Variants in ROR1 observed in about 807,000 individuals in gnomAD.
ROR1 encodes the protein ROR family WNT receptor 1.
A neutral mutation model predicts 78.8 loss-of-function variants in ROR1; 19 were observed. The ratio of observed to expected loss-of-function variants is 0.24; its 90% CI spans 0.17 to 0.35. ROR1 has a LOEUF of 0.35. Among genes scored for constraint, ROR1 ranks in the 10% least tolerant of loss-of-function variants. The pLI, the probability that ROR1 is intolerant of heterozygous loss-of-function variation, is 1.00. For synonymous variants in ROR1, 386 were observed against 433.6 expected (o/e 0.89, Z 1.36); for missense variants, 917 against 1,177.8 (o/e 0.78, Z 3.24).
chr1:64,123,576 A>G (rs1023684589), intron 4 of ROR1, among the ~76,000 whole-genome samples: 2 of 152,200 alleles, frequency 1.3e-5, no homozygotes, highest in African/African-American at 2.4e-5. Context: ...ATGGACAGAA[A>G]AAGTGCTAAA....
intron 1 of ROR1, among the ~76,000 whole-genome samples, chr1:63,814,213 C>T (rs1644876477): frequency 6.6e-6 from 1 of 152,212 alleles, no homozygotes; most frequent in Admixed American, 6.5e-5. Context: ...TCTGCGCCCT[C>T]TGGCAACCAG....
chr1:63,919,583 G>T (rs553620123), intron 1 of ROR1, among the ~76,000 whole-genome samples: 18 of 150,912 alleles, frequency 1.2e-4, no homozygotes, highest in African/African-American at 4.1e-4. Flanking sequence ...CACAGAGACA[G>T]CAGAGCATAA....
chr1:64,176,732 C>A (rs1017892831), intron 8 of ROR1, among the ~76,000 whole-genome samples: 2 of 152,198 alleles, frequency 1.3e-5, no homozygotes, highest in African/African-American at 4.8e-5. Flanking sequence ...AGGATTTAAT[C>A]AATGGAGAAG....
At chr1:64,094,464 G>A (rs1647244183) in intron 4 of ROR1, 1 of 152,126 alleles carries the variant, frequency 6.6e-6, no homozygotes, top group Non-Finnish European at 1.5e-5. Flanking sequence ...TTACATCTCC[G>A]GTTTACTTTT....
intron 4 of ROR1, among the ~76,000 whole-genome samples, chr1:64,116,357 CAT>C (rs1217105705): frequency 2.6e-5 from 4 of 152,276 alleles, no homozygotes; most frequent in East Asian, 1.9e-4. Flanking sequence ...CGAATGTGCA[CAT>C]GTTAGATATA....
intron 4 of ROR1, among the ~76,000 whole-genome samples, chr1:64,083,593 GAGA>G (rs1291969605): frequency 1.3e-4 from 18 of 133,958 alleles, no homozygotes; most frequent in Middle Eastern, 7.5e-3. Context: ...GAGAGAGAGA[GAGA>G]AAAAAAAAAA....
At chr1:64,104,696 G>A (rs1647718252) in intron 4 of ROR1, among the ~76,000 whole-genome samples, 1 of 152,098 alleles carries the variant, frequency 6.6e-6, no homozygotes, top group South Asian at 2.1e-4. Flanking sequence ...CCACTTATGA[G>A]TGAGAACATG....
rs1035872254 is a variant in ROR1 at position 63,774,901 on chromosome 1, C to T, written c.91+393C>T. On this transcript the variant is annotated intron_variant, in intron 1 of 8. Coordinates refer to ENST00000371079, the MANE Select transcript of ROR1 (RefSeq NM_005012.4). The surrounding 1 kb of genome is among the most constrained non-coding windows in gnomAD (Gnocchi z 5.7). ...TGTTCAGGCAAGTCTATCCTGCCCC[C>T]AAGTTGCGAGCCGGCCCGGAAGGCG... Among the ~76,000 whole-genome samples the T allele has an allele frequency of 1.0e-3, 155 of 152,242 alleles. No homozygotes were observed. Among genetic ancestry groups the T allele is most frequent in the African/African-American group, 3.6e-3 (151 of 41,566 alleles).
At position 63,861,329 on chromosome 1, in the gene ROR1, AT is replaced by A. The variant is rs545858729; in HGVS notation, c.91+86822del. 1.2e-3 allele frequency among the ~76,000 whole-genome samples: 179 copies of A among 152,316 alleles called. 1 individual carries two copies. Among genetic ancestry groups the A allele is most frequent in the African/African-American group, 4.1e-3 (169 of 41,564 alleles). On this transcript the variant is annotated intron_variant, in intron 1 of 8. Coordinates refer to ENST00000371079, the MANE Select transcript of ROR1 (RefSeq NM_005012.4). ...CTTGAGTTTGGGGAGAAATAATTAA[AT>A]GTTGCAAATGTAAAAATTGGCAGTA...
chr1:64,129,147 A>C (rs973077016), intron 4 of ROR1, among the ~76,000 whole-genome samples: 1 of 152,222 alleles, frequency 6.6e-6, no homozygotes, highest in African/African-American at 2.4e-5. Flanking sequence ...CACCATCAGC[A>C]GAAGGAATGG....
intron 1 of ROR1, among the ~76,000 whole-genome samples, chr1:63,817,485 T>G (rs1222524108): frequency 1.3e-5 from 2 of 152,238 alleles, no homozygotes; most frequent in African/African-American, 2.4e-5. Context: ...GCAGGGCAGT[T>G]ATTTAATTTC....
chr1:63,786,508 G>A lies in ROR1; in HGVS notation c.91+12000G>A, dbSNP rs547334219. 3.7e-3 allele frequency among the ~76,000 whole-genome samples: 551 copies of A among 150,104 alleles called. 5 individuals carry two copies. Among genetic ancestry groups the A allele is most frequent in the African/African-American group, 0.013 (519 of 40,876 alleles). ...AGGATGGTCTCGATCTCCTGACCCC[G>A]TGATCCTCCCGCCTCGGCCTCCCAG... On this transcript the variant is annotated intron_variant, in intron 1 of 8. Coordinates refer to ENST00000371079, the MANE Select transcript of ROR1 (RefSeq NM_005012.4).
At chr1:63,868,840 T>C (rs1262885212) in intron 1 of ROR1, among the ~76,000 whole-genome samples, 2 of 152,190 alleles carry the variant, frequency 1.3e-5, no homozygotes, top group African/African-American at 4.8e-5. Flanking sequence ...AGAAGAAACT[T>C]TATTCAAGAC....
intron 4 of ROR1, among the ~76,000 whole-genome samples, chr1:64,088,505 A>G (rs1647170794): frequency 6.7e-6 from 1 of 149,818 alleles, no homozygotes; most frequent in Non-Finnish European, 1.5e-5. Context: ...GCCCATGGCC[A>G]TGAAAGATCT....
intron 1 of ROR1, among the ~76,000 whole-genome samples, chr1:63,888,252 T>A (rs1025447797): frequency 6.6e-6 from 1 of 152,114 alleles, no homozygotes; most frequent in Non-Finnish European, 1.5e-5. Context: ...TATCTGCAAA[T>A]TAGAACTGTG....
At chr1:63,775,511 C>A (rs1176971541) in intron 1 of ROR1, 1 of 152,180 alleles carries the variant, frequency 6.6e-6, no homozygotes, top group Admixed American at 6.5e-5. Context: ...ATTCTGCCCT[C>A]CCCCACTCCC....
chr1:64,158,513 G>T (rs1485477359), intron 7 of ROR1, among the ~76,000 whole-genome samples: 1 of 152,108 alleles, frequency 6.6e-6, no homozygotes, highest in Non-Finnish European at 1.5e-5. Flanking sequence ...TGCAGGCTTG[G>T]CCCCATAAGT....
intron 1 of ROR1, among the ~76,000 whole-genome samples, chr1:63,994,473 A>G (rs1453820889): frequency 2.0e-5 from 3 of 152,146 alleles, no homozygotes; most frequent in African/African-American, 7.2e-5. Flanking sequence ...TACCTTTTTA[A>G]AGGCTTATAG....
At chr1:63,852,219 A>T (rs935398665) in intron 1 of ROR1, among the ~76,000 whole-genome samples, 5 of 152,236 alleles carry the variant, frequency 3.3e-5, no homozygotes, top group African/African-American at 1.2e-4. Context: ...CCATATGCAC[A>T]GCTCATCAGT....
Sources: gnomAD v4.1 joint callset for allele counts (sites outside exome capture counted in the v4.1 genomes callset) on GRCh38, gnomAD v4.1.1 for gene constraint, Gnocchi (gnomAD v3.1) non-coding constraint, MANE v1.5 for transcripts, NCBI Gene and HGNC (gene_info 2026-07-23, HGNC 2026-07-21) for gene names.